Variants in CNTNAP2 observed in about 807,000 individuals in gnomAD.
CNTNAP2 encodes contactin-associated protein-like 2.
Under a neutral mutation model 155.2 loss-of-function variants are expected in CNTNAP2, and 98 were observed. The observed-to-expected ratio is 0.63, with a 90% CI of 0.54 to 0.75. CNTNAP2 has a LOEUF of 0.75. Ranked by LOEUF, CNTNAP2 falls within the 30% of genes least tolerant of loss-of-function variation. The pLI is 0.00. For synonymous variants in CNTNAP2, 651 were observed against 631.2 expected (o/e 1.03, Z -0.47); for missense variants, 1,727 against 1,688.1 (o/e 1.02, Z -0.40).
At position 148,125,433 on chromosome 7, in the gene CNTNAP2, G is replaced by C. The variant is rs1360156173; in HGVS notation, c.2554+7145G>C. On this transcript the variant is annotated intron_variant, in intron 16 of 23. Coordinates refer to ENST00000361727, the MANE Select transcript of CNTNAP2 (RefSeq NM_014141.6). ...CTCCCGCCCTCCACGCTTAGTACACGTATCCATGCGTACTCAATGTTTAGC... is the reference window on the plus strand; with the variant it reads ...CTCCCGCCCTCCACGCTTAGTACACCTATCCATGCGTACTCAATGTTTAGC... Among the ~76,000 whole-genome samples the C allele has an allele frequency of 2.0e-5, 3 of 152,028 alleles. No individual in the cohort carries two copies. In the East Asian group the frequency reaches 5.8e-4, roughly 29 times the overall value.
intron 21 of CNTNAP2, among the ~76,000 whole-genome samples, chr7:148,349,760 C>A (rs529401975): frequency 6.6e-6 from 1 of 152,214 alleles, no homozygotes; most frequent in South Asian, 2.1e-4. Context: ...CATCCTGGAC[C>A]GCATAAAGCC....
At chr7:148,021,989 G>T (rs12055952) in intron 15 of CNTNAP2, among the ~76,000 whole-genome samples, 5 of 151,912 alleles carry the variant, frequency 3.3e-5, no homozygotes, top group African/African-American at 1.2e-4. Context: ...AGGAACAGAA[G>T]GCTGTGGCCA....
At chr7:146,966,767 A>T (rs140763938) in intron 3 of CNTNAP2, among the ~76,000 whole-genome samples, 55 of 152,334 alleles carry the variant, frequency 3.6e-4, no homozygotes, top group African/African-American at 1.3e-3. Context: ...CAACCAGACC[A>T]TATATCATAG....
chr7:147,346,728 G>C (rs1795869952), intron 9 of CNTNAP2, among the ~76,000 whole-genome samples: 1 of 152,128 alleles, frequency 6.6e-6, no homozygotes, highest in Non-Finnish European at 1.5e-5. Flanking sequence ...CTGACATTTT[G>C]TTTCTTCTTT....
At chr7:147,523,858 C>T (rs1029310286) in intron 11 of CNTNAP2, among the ~76,000 whole-genome samples, 5 of 152,296 alleles carry the variant, frequency 3.3e-5, no homozygotes, top group Non-Finnish European at 5.9e-5. Flanking sequence ...ATTTCATTCA[C>T]GTTACCTGCA....
intron 8 of CNTNAP2, among the ~76,000 whole-genome samples, chr7:147,154,332 G>T (rs1401564293): frequency 6.6e-6 from 1 of 152,084 alleles, no homozygotes; most frequent in Non-Finnish European, 1.5e-5. Flanking sequence ...AATTTAGGAT[G>T]ATTATTTTTC....
chr7:148,122,486 G>A (rs547044709), intron 16 of CNTNAP2, among the ~76,000 whole-genome samples: 1 of 152,288 alleles, frequency 6.6e-6, no homozygotes, highest in East Asian at 1.9e-4. Context: ...CCAAATGAAC[G>A]AAGGTGTCGG....
At chr7:148,223,232 T>C (rs2373347) in intron 19 of CNTNAP2, among the ~76,000 whole-genome samples, 33,065 of 152,006 alleles carry the variant, frequency 0.22, 3,699 homozygotes, top group African/African-American at 0.27. Context: ...CTCCTTTTGA[T>C]GACTTCTCCT....
At chr7:147,380,645 C>A (rs1340999172) in intron 9 of CNTNAP2, among the ~76,000 whole-genome samples, 2 of 152,050 alleles carry the variant, frequency 1.3e-5, no homozygotes, top group African/African-American at 4.8e-5. Context: ...CTTGGCTCGC[C>A]AATTTCAAAG....
At chr7:146,777,003 T>A (rs1369067333) in intron 2 of CNTNAP2, among the ~76,000 whole-genome samples, 1 of 152,070 alleles carries the variant, frequency 6.6e-6, no homozygotes, top group Admixed American at 6.5e-5. Flanking sequence ...GGTAGGTAGG[T>A]AGGTAGATAG....
chr7:146,627,682 T>C (rs1799442555), intron 1 of CNTNAP2, among the ~76,000 whole-genome samples: 1 of 152,158 alleles, frequency 6.6e-6, no homozygotes, highest in African/African-American at 2.4e-5. Context: ...CCTGTTATTT[T>C]AGGGCATTAT....
intron 8 of CNTNAP2, among the ~76,000 whole-genome samples, chr7:147,220,796 C>T (rs1009701924): frequency 6.6e-6 from 1 of 152,140 alleles, no homozygotes; most frequent in Non-Finnish European, 1.5e-5. Flanking sequence ...CTCTCTCAAC[C>T]TCCACCTCCC....
intron 4 of CNTNAP2, among the ~76,000 whole-genome samples, chr7:147,067,339 C>T (rs1333173580): frequency 1.3e-5 from 2 of 151,086 alleles, no homozygotes; most frequent in Non-Finnish European, 2.9e-5. Flanking sequence ...ATAAGGCCTC[C>T]ACCCTCATGA....
intron 15 of CNTNAP2, among the ~76,000 whole-genome samples, chr7:148,019,338 C>G (rs981343752): frequency 1.3e-5 from 2 of 152,180 alleles, no homozygotes; most frequent in Admixed American, 6.5e-5. Context: ...TCCAACAGGC[C>G]TGAAACCTTC....
chr7:146,979,723 G>A (rs1797978304), intron 3 of CNTNAP2, among the ~76,000 whole-genome samples: 1 of 152,136 alleles, frequency 6.6e-6, no homozygotes, highest in African/African-American at 2.4e-5. Flanking sequence ...AAAGGGTAAA[G>A]TAAAATCTGT....
At chr7:147,698,531 T>C (rs1796192793) in intron 13 of CNTNAP2, among the ~76,000 whole-genome samples, 1 of 152,216 alleles carries the variant, frequency 6.6e-6, no homozygotes, top group Non-Finnish European at 1.5e-5. Context: ...AAGCTTTTCA[T>C]TTCACTGCTA....
At chr7:147,105,489 G>A (rs1800747752) in intron 4 of CNTNAP2, among the ~76,000 whole-genome samples, 1 of 151,990 alleles carries the variant, frequency 6.6e-6, no homozygotes, top group Admixed American at 6.6e-5. Context: ...AATAAGCACA[G>A]CGCATTATTA....
At chr7:147,391,592 TC>T (rs1796719788) in intron 9 of CNTNAP2, among the ~76,000 whole-genome samples, 1 of 151,926 alleles carries the variant, frequency 6.6e-6, no homozygotes, top group East Asian at 1.9e-4. Context: ...AAAGATAAGC[TC>T]CCCCTTACCC....
intron 3 of CNTNAP2, among the ~76,000 whole-genome samples, chr7:146,992,451 G>A (rs1167998595): frequency 1.3e-5 from 2 of 152,268 alleles, no homozygotes; most frequent in South Asian, 2.1e-4. Flanking sequence ...GAATGGCAGG[G>A]TTTATTGGGT....
Sources: allele counts gnomAD v4.1 joint callset (sites outside exome capture counted in the v4.1 genomes callset), GRCh38; gene constraint gnomAD v4.1.1; transcripts MANE v1.5; gene names NCBI Gene and HGNC (gene_info 2026-07-23, HGNC 2026-07-21).